Variants in MCC observed in about 807,000 individuals in gnomAD.
The protein encoded by MCC is MCC regulator of Wnt signaling pathway.
A neutral mutation model predicts 116.2 loss-of-function variants in MCC; 90 were observed. The observed-to-expected ratio is 0.77, with a 90% CI of 0.65 to 0.92. MCC has a LOEUF of 0.92. MCC is among the 40% of genes least tolerant of loss of function. The probability of loss-of-function intolerance (pLI) is 0.00; values close to 1 mark genes in which losing one functional copy is unlikely to be tolerated. For missense variants in MCC, 1,516 were observed against 1,312.2 expected (o/e 1.16, Z -2.40); for synonymous variants, 578 against 510.5 (o/e 1.13, Z -1.78).
intron 15 of MCC, among the ~76,000 whole-genome samples, chr5:113,050,098 C>T (rs1416785091): frequency 6.6e-6 from 1 of 152,186 alleles, no homozygotes; most frequent in Non-Finnish European, 1.5e-5. Context: ...TTTCATCTTC[C>T]CAACCTGGGT....
chr5:113,143,272 C>T lies in MCC; in HGVS notation c.830G>A (p.Ser277Asn). 2.5e-6 allele frequency: 4 copies of T among 1,613,448 alleles called. No homozygotes were observed. Among genetic ancestry groups the T allele is most frequent in the Middle Eastern group, 1.6e-4 (1 of 6,062 alleles). The change falls in exon 5 of 19, where the codon AGC becomes AAC. Residue 277 changes from serine (S) to asparagine (N), a missense_variant. Coordinates refer to ENST00000408903, the MANE Select transcript of MCC (RefSeq NM_001085377.2). Reference sequence around the variant, plus strand: ...CTTCTTGTTGAGCTCCGCAATGACGCTGTGGAGCTCTGTGATGCGTTCCTC... The same window carrying T: ...CTTCTTGTTGAGCTCCGCAATGACGTTGTGGAGCTCTGTGATGCGTTCCTC... The part of the protein sequence containing the change: ...RYEERITELH[S>N]VIAELNKKID...
At chr5:113,134,888 C>T (rs1758713936) in intron 5 of MCC, among the ~76,000 whole-genome samples, 1 of 151,626 alleles carries the variant, frequency 6.6e-6, no homozygotes, top group Non-Finnish European at 1.5e-5. Flanking sequence ...TGTTTGCATC[C>T]TCTCCAGTTT....
At chr5:113,317,079 A>T (rs1767304114) in intron 3 of MCC, among the ~76,000 whole-genome samples, 1 of 152,200 alleles carries the variant, frequency 6.6e-6, no homozygotes, top group African/African-American at 2.4e-5. Context: ...AAAACTGGGG[A>T]CTACCGAAAA....
intron 13 of MCC, among the ~76,000 whole-genome samples, chr5:113,067,184 G>A (rs6874727): frequency 0.34 from 51,910 of 151,504 alleles, 8,889 homozygotes; most frequent in Middle Eastern, 0.39. Flanking sequence ...TGCAGATCTC[G>A]AGGTACAGGT....
chr5:113,223,558 A>G (rs754117825), intron 3 of MCC, among the ~76,000 whole-genome samples: 1 of 152,188 alleles, frequency 6.6e-6, no homozygotes, highest in African/African-American at 2.4e-5. Flanking sequence ...CAACAAGTCT[A>G]TATTAAGGCA....
chr5:113,295,121 A>G (rs370149431), intron 3 of MCC, among the ~76,000 whole-genome samples: 5 of 151,610 alleles, frequency 3.3e-5, no homozygotes, highest in South Asian at 4.2e-4. Flanking sequence ...ACCCGAGTCC[A>G]GGAGGGGGAG....
In MCC at chr5:113,080,834, A is replaced by AAAAAAG. The variant is rs1754810412; in HGVS notation, c.1784+2020_1784+2025dup. Among the ~76,000 whole-genome samples, 3 of 149,000 alleles carry AAAAAAG rather than the reference A, an allele frequency of 2.0e-5. 1 individual carries two copies. The highest frequency in any genetic ancestry group is 7.5e-5 in the African/African-American group (3 of 39,932). ...CAACAACAAAAAAAAAAAAGAAAAG[A>AAAAAAG]AAAAAGAAAAATCACCCCTCCCAGA... is the stretch of plus-strand genomic sequence containing the variant. On this transcript the variant is annotated intron_variant, in intron 11 of 18. Transcript: ENST00000408903.
At chr5:113,430,642 G>C (rs560292683) in intron 1 of MCC, among the ~76,000 whole-genome samples, 103 of 152,164 alleles carry the variant, frequency 6.8e-4, no homozygotes, top group Non-Finnish European at 1.3e-3. Context: ...TATATGAGAG[G>C]TAAGGCAAAG....
At chr5:113,407,481 A>G (rs2150401219) in intron 1 of MCC, among the ~76,000 whole-genome samples, 1 of 152,260 alleles carries the variant, frequency 6.6e-6, no homozygotes, top group South Asian at 2.1e-4. Flanking sequence ...CCTATTCAGG[A>G]TAATATCTGA....
chr5:113,029,021 A>C lies in MCC; in HGVS notation c.2792T>G (p.Val931Gly). Residue 931 changes from valine to glycine, a missense_variant, in exon 18 of 19, where the codon GTG becomes GGG. Val to Gly is a moderately radical substitution (Grantham distance 109). Coordinates refer to ENST00000408903, the MANE Select transcript of MCC (RefSeq NM_001085377.2). ...KKLKARVQEL[V>G]SALERLTKSS... Reference sequence around the variant, plus strand: ...CTTGGTGAGTCTCTCCAAGGCACTCACCAGCTCTTGAACTCTGGCCTTCAA... The same window carrying C: ...CTTGGTGAGTCTCTCCAAGGCACTCCCCAGCTCTTGAACTCTGGCCTTCAA... The C allele has an allele frequency of 1.2e-6, 2 of 1,613,478 alleles. No individual in the cohort carries two copies. The highest frequency in any genetic ancestry group is 1.7e-6 in the Non-Finnish European group (2 of 1,179,694).
At chr5:113,354,802 A>ATTATTATTATTATTATTATTATTATTG (rs59377042) in intron 2 of MCC, among the ~76,000 whole-genome samples, 9,062 of 148,364 alleles carry the variant, frequency 0.061, 326 homozygotes, top group South Asian at 0.07. Context: ...TATTATTATT[A>ATTATTATTATTATTATTATTATTATTG]TTATTCAACA....
chr5:113,256,539 G>A (rs1765012255), intron 3 of MCC, among the ~76,000 whole-genome samples: 2 of 152,130 alleles, frequency 1.3e-5, no homozygotes, highest in Non-Finnish European at 1.5e-5. Context: ...AGGTCTAGAA[G>A]CAAGATAAAA....
chr5:113,474,742 G>T (rs1772192388), intron 1 of MCC, among the ~76,000 whole-genome samples: 1 of 152,042 alleles, frequency 6.6e-6, no homozygotes, highest in Non-Finnish European at 1.5e-5. Context: ...AGGGAGAGAG[G>T]GATAAGCCGC....
At chr5:113,067,996 A>G in intron 13 of MCC, 84 bp downstream of exon 13, 2 of 1,200,124 alleles carry the variant, frequency 1.7e-6, no homozygotes, top group Non-Finnish European at 2.5e-6. Flanking sequence ...TCGGGAGATG[A>G]TTCAATGCCA....
At chr5:113,108,963 C>T (rs12517185) in intron 6 of MCC, among the ~76,000 whole-genome samples, 1 of 151,950 alleles carries the variant, frequency 6.6e-6, no homozygotes, top group Non-Finnish European at 1.5e-5. Flanking sequence ...TGGAGCCTCA[C>T]AGGAGGACGA....
At chr5:113,099,636 G>A (rs1216141571) in intron 8 of MCC, among the ~76,000 whole-genome samples, 1 of 152,210 alleles carries the variant, frequency 6.6e-6, no homozygotes, top group African/African-American at 2.4e-5. Flanking sequence ...CCAAAGACTC[G>A]TGGTGACTTG....
chr5:113,396,907 C>T (rs1204595793), intron 1 of MCC, among the ~76,000 whole-genome samples: 3 of 152,062 alleles, frequency 2.0e-5, no homozygotes, highest in Non-Finnish European at 4.4e-5. Context: ...TGAAATTTTA[C>T]AAAAGAAGAA....
intron 3 of MCC, among the ~76,000 whole-genome samples, chr5:113,325,193 A>G (rs1390952651): frequency 6.6e-6 from 1 of 152,110 alleles, no homozygotes; most frequent in African/African-American, 2.4e-5. Context: ...TGGGAAGGAA[A>G]GGTGTTGTGT....
chr5:113,319,982 A>G (rs1020869903), intron 3 of MCC, among the ~76,000 whole-genome samples: 2 of 152,224 alleles, frequency 1.3e-5, no homozygotes, highest in African/African-American at 4.8e-5. Context: ...ATTTAAAAAC[A>G]CAGAACAACA....
Sources: gnomAD v4.1 joint callset for allele counts (sites outside exome capture counted in the v4.1 genomes callset) on GRCh38, gnomAD v4.1.1 for gene constraint, MANE v1.5 for transcripts, NCBI Gene and HGNC (gene_info 2026-07-23, HGNC 2026-07-21) for gene names.